The following BCL7C variants were observed in gnomAD, a reference collection of about 807,000 sequenced individuals.
The protein encoded by BCL7C is B-cell CLL/lymphoma 7 protein family member C.
In BCL7C, 8 loss-of-function variants were observed where a neutral mutation model predicts 26.2. That is an observed-to-expected ratio of 0.30 (90% CI 0.18 to 0.55). The LOEUF (loss-of-function observed/expected upper bound fraction) is 0.55, where lower values mean the gene tolerates loss of function less well. Among genes scored for constraint, BCL7C ranks in the 20% least tolerant of loss-of-function variants. The probability of loss-of-function intolerance (pLI) is 0.93; values close to 1 mark genes in which losing one functional copy is unlikely to be tolerated. For missense variants in BCL7C, 262 were observed against 298.5 expected, an observed-to-expected ratio of 0.88 and a Z score of 0.90; for synonymous variants, 90 against 116.5, an observed-to-expected ratio of 0.77 and a Z score of 1.47.
intron 5 of BCL7C, among the ~76,000 whole-genome samples, chr16:30,882,048 C>T (rs1162376049): frequency 6.6e-6 from 1 of 151,920 alleles, no homozygotes; most frequent in Non-Finnish European, 1.5e-5. Context: ...GCAACCTCCG[C>T]CTCCAGGGTT....
chr16:30,841,521 T>C (rs2054602097), intron 5 of BCL7C, among the ~76,000 whole-genome samples: 1 of 152,204 alleles, frequency 6.6e-6, no homozygotes, highest in Non-Finnish European at 1.5e-5. Flanking sequence ...AGTTATCTAC[T>C]GGGAAATCTA....
chr16:30,867,798 G>GA (rs929028666), intron 5 of BCL7C, among the ~76,000 whole-genome samples: 3 of 151,580 alleles, frequency 2.0e-5, no homozygotes, highest in Non-Finnish European at 2.9e-5. Context: ...ATCTCAAAAA[G>GA]AAAAAAATAA....
chr16:30,834,740 T>C lies in BCL7C; in HGVS notation c.*208A>G, dbSNP rs2054559019. ...ACTGGATGTGGTCCGAGTTCTGCCC[T>C]AAGCCCTTCCCATGCATTCGGGCGC... On this transcript the variant is annotated 3_prime_UTR_variant, in exon 6 of 6. Coordinates refer to the BCL7C transcript ENST00000380317. This position sits in a 1 kb window ranked among gnomAD's most constrained non-coding sequence, Gnocchi z 4.3. The C allele has an allele frequency of 1.8e-6, 1 of 541,948 alleles. No homozygotes were observed. The highest frequency in any genetic ancestry group is 3.2e-6 in the Non-Finnish European group (1 of 309,734). 33.6% of individuals were successfully genotyped at this position (541,948 alleles called of 1,614,324 possible). A position where few individuals can be genotyped will look rare whatever the true frequency, so the allele number is the denominator to read the frequency against.
At chr16:30,887,031 G>C (rs975694467), downstream of BCL7C, among the ~76,000 whole-genome samples, 22 of 152,112 alleles carry the variant, frequency 1.4e-4, no homozygotes, top group Non-Finnish European at 2.4e-4. Context: ...TTAGCAGGCT[G>C]GGCATGGTGG....
At chr16:30,871,762 G>A (rs1031238360) in intron 5 of BCL7C, among the ~76,000 whole-genome samples, 8 of 152,180 alleles carry the variant, frequency 5.3e-5, no homozygotes, top group African/African-American at 1.9e-4. Context: ...TGGGATTACA[G>A]GTGTGAGCCA....
intron 5 of BCL7C, chr16:30,852,153 T>A (rs2054680760): frequency 6.4e-6 from 1 of 156,510 alleles, no homozygotes; most frequent in Non-Finnish European, 1.4e-5. Context: ...AAGGCTCTTG[T>A]CTTCTTTGCA....
At chr16:30,886,595 G>C (rs1256321489), downstream of BCL7C, among the ~76,000 whole-genome samples, 2 of 152,182 alleles carry the variant, frequency 1.3e-5, no homozygotes, top group Admixed American at 1.3e-4. Context: ...CAGCCTCGTA[G>C]ACAAGACAGA....
intron 5 of BCL7C, among the ~76,000 whole-genome samples, chr16:30,860,888 T>C (rs2054765590): frequency 6.6e-6 from 1 of 152,058 alleles, no homozygotes. Flanking sequence ...CAAGTCCCAA[T>C]TCTCCCTCAG....
chr16:30,853,797 T>C (rs1243133765), intron 5 of BCL7C, among the ~76,000 whole-genome samples: 1 of 152,194 alleles, frequency 6.6e-6, no homozygotes, highest in Non-Finnish European at 1.5e-5. Context: ...TCCTTATTAG[T>C]CAATTCCTCA....
chr16:30,846,157 C>G (rs183667854), intron 5 of BCL7C, among the ~76,000 whole-genome samples: 1 of 150,144 alleles, frequency 6.7e-6, no homozygotes, highest in East Asian at 2.0e-4. Context: ...TCCTCAGTAG[C>G]TGGGACCACA....
intron 5 of BCL7C, chr16:30,888,612 G>A: frequency 3.0e-6 from 1 of 332,764 alleles, no homozygotes. Context: ...TGGGATTACA[G>A]GCGTGAGCCA....
chr16:30,866,714 T>C (rs2054832983), intron 5 of BCL7C, among the ~76,000 whole-genome samples: 1 of 152,014 alleles, frequency 6.6e-6, no homozygotes, highest in South Asian at 2.1e-4. Context: ...AAAGAAAGTA[T>C]ATTGCTTATT....
At chr16:30,847,583 G>A (rs2054643670) in intron 5 of BCL7C, among the ~76,000 whole-genome samples, 1 of 152,024 alleles carries the variant, frequency 6.6e-6, no homozygotes, top group Non-Finnish European at 1.5e-5. Context: ...ATCACCTAAG[G>A]TCAGGAGTTC....
At chr16:30,847,494 T>C (rs1160905250) in intron 5 of BCL7C, among the ~76,000 whole-genome samples, 2 of 152,136 alleles carry the variant, frequency 1.3e-5, no homozygotes, top group African/African-American at 4.8e-5. Flanking sequence ...AGGTCTTTAA[T>C]AGGGTCAAAT....
At position 30,893,794 on chromosome 16, in the gene BCL7C, A is replaced by G; in HGVS notation, c.92+59T>C. ...CCCAGAGCTGGCGAGGGCAGCGTAG[A>G]CGCCTTTGGTGCTGGTGGTCCCGCT... On this transcript the variant is annotated intron_variant, in intron 1 of 5. Transcript: ENST00000215115. The surrounding 1 kb of genome is among the most constrained non-coding windows in gnomAD (Gnocchi z 5.2). The G allele has an allele frequency of 2.0e-6, 3 of 1,494,834 alleles. No individual in the cohort carries two copies. Among genetic ancestry groups the G allele is most frequent in the Admixed American group, 1.7e-5 (1 of 59,276 alleles). The allele number at this position is 1,494,834 out of a possible 1,614,324, so 92.6% of individuals were successfully genotyped here.
chr16:30,841,896 A>G (rs2054604572), intron 5 of BCL7C, among the ~76,000 whole-genome samples: 1 of 141,528 alleles, frequency 7.1e-6, no homozygotes, highest in South Asian at 2.4e-4. Context: ...CGGAGCTTGC[A>G]GTGAGCCGAG....
chr16:30,843,908 C>T (rs1483035848), intron 5 of BCL7C, among the ~76,000 whole-genome samples: 1 of 151,736 alleles, frequency 6.6e-6, no homozygotes, highest in Admixed American at 6.6e-5. Flanking sequence ...GGCATTGTGG[C>T]ACATGCCTGT....
chr16:30,879,700 A>AAAAAACAAAAAAC (rs1555482424), intron 5 of BCL7C, among the ~76,000 whole-genome samples: 1 of 135,004 alleles, frequency 7.4e-6, no homozygotes, highest in African/African-American at 2.6e-5. Context: ...AAAAAAAAAA[A>AAAAAACAAAAAAC]AAAAAAAAAC....
At chr16:30,887,685 A>G (rs2055155435), downstream of BCL7C, 2 of 1,030,812 alleles carry the variant, frequency 1.9e-6, no homozygotes, top group South Asian at 3.7e-5. Context: ...GTGTCACTAC[A>G]GGAAGGTCCT....
Sources: allele counts gnomAD v4.1 joint callset (sites outside exome capture counted in the v4.1 genomes callset), GRCh38; gene constraint gnomAD v4.1.1; non-coding constraint Gnocchi (gnomAD v3.1); transcripts MANE v1.5; gene names NCBI Gene and HGNC (gene_info 2026-07-23, HGNC 2026-07-21).